FBXL7: variants seen among roughly 807,000 people sequenced by gnomAD.
The protein encoded by FBXL7 is F-box and leucine rich repeat protein 7, also known as F-box/LRR-repeat protein 7.
FBXL7 carries 12 observed loss-of-function variants against 38.3 expected under a neutral mutation model. The ratio of observed to expected loss-of-function variants is 0.31; its 90% CI spans 0.20 to 0.51. FBXL7 has a LOEUF of 0.51. Ranked by LOEUF, FBXL7 falls within the 20% of genes least tolerant of loss-of-function variation. The probability of loss-of-function intolerance (pLI) is 0.98; values close to 1 mark genes in which losing one functional copy is unlikely to be tolerated. For synonymous variants in FBXL7, 297 were observed against 300.9 expected, an observed-to-expected ratio of 0.99 and a Z score of 0.13; for missense variants, 567 against 676.4, an observed-to-expected ratio of 0.84 and a Z score of 1.79.
intron 2 of FBXL7, among the ~76,000 whole-genome samples, chr5:15,888,888 G>A (rs911083642): frequency 6.6e-6 from 1 of 152,098 alleles, no homozygotes; most frequent in Non-Finnish European, 1.5e-5. Context: ...TAGACAATTA[G>A]AAGAACCAAA....
chr5:15,779,457 T>C (rs1736937551), intron 2 of FBXL7, among the ~76,000 whole-genome samples: 1 of 152,080 alleles, frequency 6.6e-6, no homozygotes, highest in South Asian at 2.1e-4. Flanking sequence ...CCCCAAAATA[T>C]GTACAACTAG....
intron 2 of FBXL7, among the ~76,000 whole-genome samples, chr5:15,747,744 G>A (rs1347815108): frequency 1.3e-5 from 2 of 152,116 alleles, no homozygotes; most frequent in African/African-American, 2.4e-5. Flanking sequence ...TAAGGGAATC[G>A]TGGGATCCAG....
intron 2 of FBXL7, among the ~76,000 whole-genome samples, chr5:15,901,518 G>A (rs16867815): frequency 0.033 from 4,954 of 152,226 alleles, 257 homozygotes; most frequent in African/African-American, 0.11. Flanking sequence ...TGAATGCTGG[G>A]AGGACCAAAA....
At chr5:15,703,382 A>G (rs1003820113) in intron 2 of FBXL7, among the ~76,000 whole-genome samples, 1 of 152,258 alleles carries the variant, frequency 6.6e-6, no homozygotes, top group African/African-American at 2.4e-5. Flanking sequence ...TATGATGTGC[A>G]TGAAGAAAAC....
At chr5:15,858,064 A>G (rs1036234369) in intron 2 of FBXL7, among the ~76,000 whole-genome samples, 1 of 152,098 alleles carries the variant, frequency 6.6e-6, no homozygotes, top group Non-Finnish European at 1.5e-5. Flanking sequence ...TTCCAAGTTC[A>G]TGGCTTGGTA....
intron 3 of FBXL7, chr5:15,935,177 C>T (rs1742144211): frequency 3.7e-6 from 2 of 534,638 alleles, no homozygotes; most frequent in South Asian, 2.8e-5. Flanking sequence ...TCAGAGAGCC[C>T]CGGGGTGCAG....
chr5:15,633,711 T>C (rs1741071624), intron 2 of FBXL7, among the ~76,000 whole-genome samples: 1 of 150,636 alleles, frequency 6.6e-6, no homozygotes, highest in Non-Finnish European at 1.5e-5. Context: ...CCTGACCTTC[T>C]GGAACTTTTA....
At chr5:15,888,998 T>A (rs898230541) in intron 2 of FBXL7, among the ~76,000 whole-genome samples, 1 of 152,154 alleles carries the variant, frequency 6.6e-6, no homozygotes, top group Non-Finnish European at 1.5e-5. Flanking sequence ...CCCTAAGAGT[T>A]TGCTTTTTCT....
At chr5:15,624,189 G>A (rs1006271710) in intron 2 of FBXL7, among the ~76,000 whole-genome samples, 1 of 152,110 alleles carries the variant, frequency 6.6e-6, no homozygotes, top group Non-Finnish European at 1.5e-5. Flanking sequence ...TATTGCTATG[G>A]TTTGGATGTG....
intron 1 of FBXL7, among the ~76,000 whole-genome samples, chr5:15,510,815 C>T (rs1227940459): frequency 3.9e-5 from 6 of 152,130 alleles, no homozygotes; most frequent in Admixed American, 3.9e-4. Context: ...TACTAGGTGC[C>T]ACTTGCTCCC....
intron 1 of FBXL7, among the ~76,000 whole-genome samples, chr5:15,554,413 C>T (rs1265232559): frequency 6.6e-6 from 1 of 152,212 alleles, no homozygotes; most frequent in African/African-American, 2.4e-5. Flanking sequence ...ACTGTAAACA[C>T]TCCTTATTTG....
At chr5:15,618,545 A>G (rs1216860352) in intron 2 of FBXL7, among the ~76,000 whole-genome samples, 1 of 152,180 alleles carries the variant, frequency 6.6e-6, no homozygotes, top group African/African-American at 2.4e-5. Context: ...CTTTTTCAAT[A>G]TGGATCCAGA....
chr5:15,607,747 A>G (rs951676737), intron 1 of FBXL7, among the ~76,000 whole-genome samples: 3 of 152,214 alleles, frequency 2.0e-5, no homozygotes, highest in Non-Finnish European at 4.4e-5. Context: ...TCGATCCACT[A>G]ACTGATTTCA....
intron 2 of FBXL7, among the ~76,000 whole-genome samples, chr5:15,655,620 G>T (rs1005865481): frequency 6.6e-6 from 1 of 152,192 alleles, no homozygotes. Flanking sequence ...AATAAACTAT[G>T]GTTGATTAGT....
intron 1 of FBXL7, among the ~76,000 whole-genome samples, chr5:15,587,974 A>T (rs1030066986): frequency 2.6e-5 from 4 of 152,068 alleles, no homozygotes; most frequent in Non-Finnish European, 5.9e-5. Context: ...TGTTCCTAAA[A>T]ACTCTCTGAA....
At chr5:15,911,458 C>G (rs1195961700) in intron 2 of FBXL7, among the ~76,000 whole-genome samples, 1 of 140,190 alleles carries the variant, frequency 7.1e-6, no homozygotes, top group East Asian at 2.0e-4. Flanking sequence ...AACTTCTTTG[C>G]CTTTGGTTTG....
chr5:15,569,699 T>C (rs547167018), intron 1 of FBXL7, among the ~76,000 whole-genome samples: 8 of 152,228 alleles, frequency 5.3e-5, no homozygotes, highest in South Asian at 4.2e-4. Flanking sequence ...CCAGTTTTTG[T>C]CCATTCAGTA....
intron 3 of FBXL7, chr5:15,935,062 G>A (rs1742140780): frequency 4.0e-6 from 2 of 496,806 alleles, no homozygotes; most frequent in East Asian, 1.1e-4. Flanking sequence ...AGTCTGGAGG[G>A]CTAAGGGAAG....
At chr5:15,817,066 C>G (rs1204417018) in intron 2 of FBXL7, among the ~76,000 whole-genome samples, 4 of 152,192 alleles carry the variant, frequency 2.6e-5, no homozygotes, top group Non-Finnish European at 4.4e-5. Flanking sequence ...GACCTGGGAG[C>G]AGGCCCAGAT....
Sources: gnomAD v4.1 joint callset for allele counts (sites outside exome capture counted in the v4.1 genomes callset) on GRCh38, gnomAD v4.1.1 for gene constraint, MANE v1.5 for transcripts, NCBI Gene and HGNC (gene_info 2026-07-23, HGNC 2026-07-21) for gene names.